The following GPR158 variants were observed in gnomAD, a reference collection of about 807,000 sequenced individuals.
The protein encoded by GPR158 is metabotropic glycine receptor.
A neutral mutation model predicts 78.2 loss-of-function variants in GPR158; 30 were observed. That is an observed-to-expected ratio of 0.38 (90% CI 0.29 to 0.52). The LOEUF (loss-of-function observed/expected upper bound fraction) is 0.52. GPR158 is among the 20% of genes least tolerant of loss of function. GPR158 has a pLI of 0.83. For synonymous variants in GPR158, 581 were observed against 591.1 expected, an observed-to-expected ratio of 0.98 and a Z score of 0.25; for missense variants, 1,463 against 1,523.5, an observed-to-expected ratio of 0.96 and a Z score of 0.66.
At position 25,598,459 on chromosome 10, in the gene GPR158, C is replaced by T; in HGVS notation, c.2833C>T (p.His945Tyr). The change falls in exon 11 of 11, where the codon CAC becomes TAC. Residue 945 changes from histidine (H) to tyrosine (Y), a missense_variant. Coordinates refer to ENST00000376351, the MANE Select transcript of GPR158 (RefSeq NM_020752.3). ...AAAAGATAAAGAGACAAACAGAAAT[C>T]ACTCAAATTCTGATAACACAGAGAC... ...LPKDKETNRN[H>Y]SNSDNTETKD... 6.2e-7 allele frequency: 1 copy of T among 1,614,022 alleles called. No homozygotes were observed. The highest frequency in any genetic ancestry group is 8.5e-7 in the Non-Finnish European group (1 of 1,179,974).
In GPR158 at chr10:25,241,271, C is replaced by CCTGT. The variant is rs1564399511; in HGVS notation, c.1008+20116_1008+20117insGTCT. Among the ~76,000 whole-genome samples the CCTGT allele has an allele frequency of 6.1e-4, 46 of 75,252 alleles. 2 individuals carry two copies. In the East Asian group the frequency reaches 0.012, roughly 20 times the overall value. The allele number at this position is 75,252 out of a possible 152,430, so 49.4% of individuals were successfully genotyped here. A position where few individuals can be genotyped will look rare whatever the true frequency, so the allele number is the denominator to read the frequency against. The stretch of plus-strand genomic sequence containing the variant: ...TTTCCTTTCTTTCCTTTCTTTCTTT[C>CCTGT]CTTTCTTTCTTTCTTTTCTTTTCTT... On this transcript the variant is annotated intron_variant, in intron 2 of 10. Coordinates refer to ENST00000376351, the MANE Select transcript of GPR158 (RefSeq NM_020752.3).
intron 5 of GPR158, among the ~76,000 whole-genome samples, chr10:25,508,071 T>C (rs1289953372): frequency 6.6e-6 from 1 of 152,206 alleles, no homozygotes; most frequent in East Asian, 1.9e-4. Flanking sequence ...GGGACGGTAG[T>C]TGGTGTTTTT....
intron 4 of GPR158, among the ~76,000 whole-genome samples, chr10:25,433,575 G>GCA (rs1312621940): frequency 1.0e-4 from 15 of 145,812 alleles, no homozygotes; most frequent in South Asian, 4.6e-4. Flanking sequence ...GTGTGTGCGC[G>GCA]CGCGCGTGCG....
chr10:25,492,100 C>T (rs1835818674), intron 5 of GPR158, among the ~76,000 whole-genome samples: 1 of 152,104 alleles, frequency 6.6e-6, no homozygotes, highest in Non-Finnish European at 1.5e-5. Flanking sequence ...GGGGAGCCAG[C>T]TTGTGTAGAT....
intron 1 of GPR158, among the ~76,000 whole-genome samples, chr10:25,217,871 C>A (rs1385919442): frequency 5.3e-5 from 8 of 152,144 alleles, no homozygotes; most frequent in Non-Finnish European, 2.9e-5. Flanking sequence ...TCTCTGGAGG[C>A]CACTTACACG....
At chr10:25,206,531 C>G (rs1381371832) in intron 1 of GPR158, among the ~76,000 whole-genome samples, 1 of 152,070 alleles carries the variant, frequency 6.6e-6, no homozygotes, top group African/African-American at 2.4e-5. Context: ...CAATTCTAAT[C>G]ACCCACAATC....
In GPR158 at chr10:25,261,535, C is replaced by G. The variant is rs188915107; in HGVS notation, c.1008+40378C>G. Reference sequence around the variant, plus strand: ...CTGAGAAATTTTTAGTGCAAAGTCTCTTAATTTGCTAATTAATTCTGATAG... The same window carrying G: ...CTGAGAAATTTTTAGTGCAAAGTCTGTTAATTTGCTAATTAATTCTGATAG... On this transcript the variant is annotated intron_variant, in intron 2 of 10. Coordinates refer to ENST00000376351, the MANE Select transcript of GPR158 (RefSeq NM_020752.3). 2.0e-3 allele frequency among the ~76,000 whole-genome samples: 307 copies of G among 152,164 alleles called. 2 individuals are homozygous for G. Among genetic ancestry groups the G allele is most frequent in the Non-Finnish European group, 3.5e-3 (241 of 67,974 alleles).
chr10:25,531,445 T>C (rs1836420820), intron 5 of GPR158, among the ~76,000 whole-genome samples: 1 of 152,202 alleles, frequency 6.6e-6, no homozygotes, highest in Non-Finnish European at 1.5e-5. Flanking sequence ...GAACATCCAT[T>C]TGTTACTGTT....
intron 5 of GPR158, among the ~76,000 whole-genome samples, chr10:25,547,945 T>G (rs903287696): frequency 3.9e-5 from 6 of 152,170 alleles, no homozygotes; most frequent in Non-Finnish European, 8.8e-5. Context: ...CCTGTAACAT[T>G]CACTCTATGA....
rs1328647397 is a variant in GPR158 at position 25,176,256 on chromosome 10, C to T, written c.836C>T (p.Pro279Leu). Residue 279 changes from proline to leucine, a missense_variant, in exon 1 of 11, where the codon CCC (proline) becomes CTC (leucine). Pro to Leu is a moderately conservative substitution (Grantham distance 98). Transcript: ENST00000376351. This position sits in a 1 kb window ranked among gnomAD's most constrained non-coding sequence, Gnocchi z 6.3. ...YLECENGSYK[P>L]GWLVTLSSAI... The stretch of plus-strand genomic sequence containing the variant: ...GAGTGCGAGAACGGGAGTTACAAGC[C>T]CGGGTGGCTGGTTACTCTTTCCTCT... 4 of 1,609,748 alleles carry T rather than the reference C, an allele frequency of 2.5e-6. No homozygotes were observed. The highest frequency in any genetic ancestry group is 3.4e-6 in the Non-Finnish European group (4 of 1,178,830).
chr10:25,559,296 AT>A (rs1836830938), intron 6 of GPR158, among the ~76,000 whole-genome samples: 1 of 151,880 alleles, frequency 6.6e-6, no homozygotes, highest in African/African-American at 2.4e-5. Flanking sequence ...TTAGCATGGT[AT>A]TTTTTTCCAT....
intron 2 of GPR158, among the ~76,000 whole-genome samples, chr10:25,239,598 ACT>A (rs1171761809): frequency 9.0e-6 from 1 of 111,460 alleles, no homozygotes; most frequent in Non-Finnish European, 1.8e-5. Context: ...ACAGAGCGAG[ACT>A]CTGTCTCAAA....
intron 5 of GPR158, among the ~76,000 whole-genome samples, chr10:25,491,803 A>G (rs1835812686): frequency 6.6e-6 from 1 of 152,166 alleles, no homozygotes; most frequent in Admixed American, 6.6e-5. Flanking sequence ...AGAACATTTT[A>G]CTTAGCTATT....
intron 1 of GPR158, among the ~76,000 whole-genome samples, chr10:25,179,601 G>C (rs1852588918): frequency 6.6e-6 from 1 of 151,990 alleles, no homozygotes; most frequent in Non-Finnish European, 1.5e-5. Context: ...CAATCTCTCA[G>C]AATAAATTCT....
At position 25,359,463 on chromosome 10, in the gene GPR158, G is replaced by A. The variant is rs369102829; in HGVS notation, c.1009-36448G>A. Among the ~76,000 whole-genome samples, 14 of 152,092 alleles carry A rather than the reference G, an allele frequency of 9.2e-5. No individual in the cohort carries two copies. The South Asian group carries it at 2.3e-3, about 25-fold the overall frequency. On this transcript the variant is annotated intron_variant, in intron 2 of 10. Coordinates refer to ENST00000376351, the MANE Select transcript of GPR158 (RefSeq NM_020752.3). ...ATGATGTTCCCCTCCCTGTGTCCAT[G>A]TGTTCTCATTGTTCAACTCCCACTT...
intron 4 of GPR158, among the ~76,000 whole-genome samples, chr10:25,462,227 G>A (rs1200730604): frequency 6.6e-6 from 1 of 152,184 alleles, no homozygotes; most frequent in Non-Finnish European, 1.5e-5. Context: ...CTGTAGAAAT[G>A]TAACAACAAA....
At chr10:25,220,636 C>A (rs892389067) in intron 1 of GPR158, among the ~76,000 whole-genome samples, 8 of 152,094 alleles carry the variant, frequency 5.3e-5, no homozygotes, top group African/African-American at 1.9e-4. Context: ...TCTTCCTAGC[C>A]CTGCAATGGG....
intron 2 of GPR158, among the ~76,000 whole-genome samples, chr10:25,378,019 T>C (rs1588834881): frequency 6.6e-6 from 1 of 152,148 alleles, no homozygotes; most frequent in Non-Finnish European, 1.5e-5. Flanking sequence ...TTTCTCTGTA[T>C]CCTTGCCAAC....
intron 4 of GPR158, among the ~76,000 whole-genome samples, chr10:25,416,152 C>T (rs754399585): frequency 2.0e-5 from 3 of 152,032 alleles, no homozygotes; most frequent in Non-Finnish European, 2.9e-5. Flanking sequence ...TCTTTTGTAA[C>T]ATAATTTTGG....
Sources: gnomAD v4.1 joint callset for allele counts (sites outside exome capture counted in the v4.1 genomes callset) on GRCh38, gnomAD v4.1.1 for gene constraint, Gnocchi (gnomAD v3.1) non-coding constraint, MANE v1.5 for transcripts, NCBI Gene and HGNC (gene_info 2026-07-23, HGNC 2026-07-21) for gene names.